SLC12A5: variants seen among roughly 807,000 people sequenced by gnomAD.
SLC12A5 encodes the protein K-Cl cotransporter 2.
SLC12A5 carries 18 observed loss-of-function variants against 124.0 expected under a neutral mutation model. The observed-to-expected ratio is 0.15, with a 90% CI of 0.10 to 0.22. The LOEUF (loss-of-function observed/expected upper bound fraction) is 0.22, where lower values mean the gene tolerates loss of function less well. Ranked by LOEUF, SLC12A5 falls within the 10% of genes least tolerant of loss-of-function variation. SLC12A5 has a pLI of 1.00. For synonymous variants in SLC12A5, 589 were observed against 568.0 expected (o/e 1.04, Z -0.53); for missense variants, 867 against 1,478.7 (o/e 0.59, Z 6.78).
intron 16 of SLC12A5, 78 bp downstream of exon 16, chr20:46,048,163 A>G (rs1463468888): frequency 3.8e-6 from 5 of 1,315,942 alleles, no homozygotes; most frequent in Non-Finnish European, 5.3e-6. Context: ...GGAAGGGAGC[A>G]GGGCCTGACT....
chr20:46,044,696 A>T, intron 11 of SLC12A5: 1 of 480,326 alleles, frequency 2.1e-6, no homozygotes, highest in Non-Finnish European at 3.7e-6. Context: ...TGGTACCACC[A>T]GGCTTCTGTA....
At chr20:46,022,467 G>T (rs567608261) in intron 1 of SLC12A5, among the ~76,000 whole-genome samples, 30 of 152,082 alleles carry the variant, frequency 2.0e-4, no homozygotes, top group Middle Eastern at 3.4e-3. Flanking sequence ...TGCCGAGGCA[G>T]GTGCCAGGTC....
At chr20:46,033,450 CTGG>C (rs144985830) in intron 1 of SLC12A5, among the ~76,000 whole-genome samples, 4,515 of 152,212 alleles carry the variant, frequency 0.03, 177 homozygotes, top group Admixed American at 0.12. Context: ...ACCTTCCCCC[CTGG>C]TGCCCAAGAT....
intron 1 of SLC12A5, among the ~76,000 whole-genome samples, chr20:46,033,417 G>A (rs2084470712): frequency 6.6e-6 from 1 of 152,084 alleles, no homozygotes; most frequent in Admixed American, 6.6e-5. Context: ...TACCTATGGG[G>A]CCTCTTATAT....
chr20:46,056,472 C>T lies in SLC12A5; in HGVS notation c.3018C>T (p.Leu1006=). 6.2e-7 allele frequency: 1 copy of T among 1,614,186 alleles called. No individual in the cohort carries two copies. The highest frequency in any genetic ancestry group is 8.5e-7 in the Non-Finnish European group (1 of 1,180,018). The change falls in exon 23 of 26, where the codon CTC becomes CTT. Residue 1006 remains leucine (L), a synonymous_variant. Transcript: ENST00000243964. This position sits in a 1 kb window ranked among gnomAD's most constrained non-coding sequence, Gnocchi z 4.3. The part of the protein sequence containing the change: ...EGETDPEKVH[L]TWTKDKSVAE... The stretch of plus-strand genomic sequence containing the variant: ...AGACAGATCCGGAGAAGGTGCATCT[C>T]ACCTGGACCAAGGACAAGTCGGTGG...
intron 7 of SLC12A5, chr20:46,040,987 G>C (rs1428140465): frequency 2.6e-6 from 1 of 392,106 alleles, no homozygotes; most frequent in Non-Finnish European, 4.7e-6. Flanking sequence ...CTCCAGGATG[G>C]GAAAAGACAC....
downstream of SLC12A5, among the ~76,000 whole-genome samples, chr20:46,023,914 G>A (rs565228509): frequency 1.3e-5 from 2 of 152,286 alleles, no homozygotes; most frequent in African/African-American, 4.8e-5. Context: ...GAGGGTGGCT[G>A]TGGGATCCTG....
At chr20:46,043,589 C>T in intron 9 of SLC12A5, 44 bp from the exon 10 acceptor site, 1 of 1,598,826 alleles carries the variant, frequency 6.3e-7, no homozygotes, top group Non-Finnish European at 8.6e-7. Flanking sequence ...TGTCTGGTCT[C>T]CTGTGGCCCT....
intron 18 of SLC12A5, among the ~76,000 whole-genome samples, chr20:46,052,746 C>A (rs988728027): frequency 6.6e-6 from 1 of 152,148 alleles, no homozygotes; most frequent in South Asian, 2.1e-4. Context: ...AAACTGAGGC[C>A]TAGAGAGGTT....
chr20:46,037,350 G>A lies in SLC12A5; in HGVS notation c.577G>A (p.Ala193Thr). The A allele has an allele frequency of 6.2e-7, 1 of 1,612,984 alleles. No homozygotes were observed. The highest frequency in any genetic ancestry group is 8.5e-7 in the Non-Finnish European group (1 of 1,179,290). ...CFYLGTTFAG[A>T]MYILGTIEIL... Reference sequence around the variant, plus strand: ...CTACCTGGGCACTACCTTTGCAGGAGCCATGTACATCCTGGGCACCATCGA... The same window carrying A: ...CTACCTGGGCACTACCTTTGCAGGAACCATGTACATCCTGGGCACCATCGA... The change falls in exon 6 of 26, where the codon GCC becomes ACC. Residue 193 changes from alanine to threonine, a missense_variant. By Grantham distance (58) the Ala-to-Thr change is moderately conservative (BLOSUM62 0). Transcript: ENST00000243964.
intron 1 of SLC12A5, among the ~76,000 whole-genome samples, chr20:46,030,237 T>A (rs73622648): frequency 0.022 from 3,359 of 152,206 alleles, 151 homozygotes; most frequent in East Asian, 0.19. Flanking sequence ...GGAGTCTTTT[T>A]AGTTAGCTCT....
At chr20:46,031,715 T>G (rs2084451318) in intron 1 of SLC12A5, among the ~76,000 whole-genome samples, 1 of 152,104 alleles carries the variant, frequency 6.6e-6, no homozygotes, top group African/African-American at 2.4e-5. Context: ...GCCGCTCGCC[T>G]GTTTCCTCCC....
At chr20:46,024,664 C>T (rs997461383), upstream of SLC12A5, among the ~76,000 whole-genome samples, 2 of 152,190 alleles carry the variant, frequency 1.3e-5, no homozygotes, top group Non-Finnish European at 2.9e-5. Flanking sequence ...GGGCTTTCTG[C>T]TGCCAGAGGA....
At position 46,040,614 on chromosome 20, in the gene SLC12A5, C is replaced by T. The variant is rs1389384303; in HGVS notation, c.854C>T (p.Pro285Leu). The stretch of plus-strand genomic sequence containing the variant: ...TCTGCCTTCGACCCACCCAACTTCC[C>T]GTGAGTGCTGCTGCTCTGAGCCCAA... The part of the protein sequence containing the change: ...IKSAFDPPNF[P>L]ICLLGNRTLS... Residue 285 changes from proline (P) to leucine (L), a missense_variant and splice_region_variant, in exon 7 of 26, where the codon CCG becomes CTG. Pro to Leu is a moderately conservative substitution (Grantham distance 98, BLOSUM62 -3). Around this residue, in one of 9 missense-constraint regions of SLC12A5, gnomAD observed 127 missense variants for 164.1 expected, o/e 0.77. Transcript: ENST00000243964. 3 of 1,613,968 alleles carry T rather than the reference C, an allele frequency of 1.9e-6. No individual in the cohort carries two copies. Among genetic ancestry groups the T allele is most frequent in the Non-Finnish European group, 1.7e-6 (2 of 1,179,878 alleles).
rs1388019654 is a variant in SLC12A5, at chr20:46,043,947, G to A, written c.1394+14G>A. The A allele has an allele frequency of 6.3e-7, 1 of 1,588,394 alleles. No individual in the cohort carries two copies. ...CCTGCGGGACAAGTAAGATAATTGG[G>A]GTTGATCCTATTCTGGGGGAGGGGT... is the stretch of plus-strand genomic sequence containing the variant. On this transcript the variant is annotated intron_variant, in intron 11 of 25. Transcript: ENST00000243964.
In SLC12A5 at chr20:46,058,440, A is replaced by AT; in HGVS notation, c.*837dup. The AT allele has an allele frequency of 2.5e-6, 1 of 398,996 alleles. No homozygotes were observed. The allele number at this position is 398,996 out of a possible 1,614,324, so 24.7% of individuals were successfully genotyped here. ...GAGACAAGGGTCCAACTTTTCCTGGATTCGCCTCCCAGCGGACGTGAGCTT... is the reference window on the plus strand; with the variant it reads ...GAGACAAGGGTCCAACTTTTCCTGGATTTCGCCTCCCAGCGGACGTGAGCTT... On this transcript the variant is annotated 3_prime_UTR_variant, in exon 26 of 26. Transcript: ENST00000243964. The surrounding 1 kb of genome is among the most constrained non-coding windows in gnomAD (Gnocchi z 5.8).
intron 1 of SLC12A5, among the ~76,000 whole-genome samples, chr20:46,030,345 G>A (rs2084437822): frequency 6.6e-6 from 1 of 152,178 alleles, no homozygotes; most frequent in South Asian, 2.1e-4. Context: ...TGGGTGCGGA[G>A]ACTCGCAAGG....
At chr20:46,034,376 T>C (rs779273201) in intron 1 of SLC12A5, among the ~76,000 whole-genome samples, 3 of 152,254 alleles carry the variant, frequency 2.0e-5, no homozygotes, top group Non-Finnish European at 4.4e-5. Flanking sequence ...AATTCCTGGC[T>C]ACTGGTTTGT....
chr20:46,047,813 C>A (rs985903178), intron 15 of SLC12A5, among the ~76,000 whole-genome samples, 168 bp from the exon 16 acceptor site: 4 of 152,012 alleles, frequency 2.6e-5, no homozygotes, highest in African/African-American at 9.7e-5. Context: ...AGTGATTTTC[C>A]AAGGAAACTT....
Sources: gnomAD v4.1 joint callset for allele counts (sites outside exome capture counted in the v4.1 genomes callset) on GRCh38, gnomAD v4.1.1 for gene constraint, gnomAD v4.1.1 regional missense constraint, Gnocchi (gnomAD v3.1) non-coding constraint, MANE v1.5 for transcripts, NCBI Gene and HGNC (gene_info 2026-07-23, HGNC 2026-07-21) for gene names.